The following CPHXL2 variants were observed in gnomAD, a reference collection of about 807,000 sequenced individuals.
CPHXL2 encodes the protein cytoplasmic polyadenylated homeobox like 2.
the CPHXL2 span, among the ~76,000 whole-genome samples, chr16:75,674,855 G>A: frequency 6.7e-4 from 102 of 151,738 alleles, no homozygotes; most frequent in African/African-American, 2.1e-3. Flanking sequence ...GAGTACTGGC[G>A]CACGCCACCA....
At chr16:75,676,680 A>C in the CPHXL2 span, among the ~76,000 whole-genome samples, 2 of 152,154 alleles carry the variant, frequency 1.3e-5, no homozygotes, top group African/African-American at 4.8e-5. Context: ...CTGATCTAGA[A>C]CCCATCCATT....
the CPHXL2 span, among the ~76,000 whole-genome samples, chr16:75,664,625 C>CAAAAAAAAAAA: frequency 8.8e-6 from 1 of 113,084 alleles, no homozygotes; most frequent in African/African-American, 3.6e-5. Flanking sequence ...AACTCCATCT[C>CAAAAAAAAAAA]AAAAAAAAAA....
the CPHXL2 span, chr16:75,660,241 G>C: frequency 2.5e-6 from 1 of 398,358 alleles, no homozygotes; most frequent in Non-Finnish European, 4.4e-6. Flanking sequence ...CTGTGGCTAT[G>C]GTTCTGTGAT....
At chr16:75,676,017 T>G in the CPHXL2 span, among the ~76,000 whole-genome samples, 2 of 151,784 alleles carry the variant, frequency 1.3e-5, no homozygotes, top group African/African-American at 4.8e-5. Context: ...AGATGGAGGT[T>G]GCAGTGAGCC....
chr16:75,675,027 A>G, the CPHXL2 span, among the ~76,000 whole-genome samples: 1 of 151,368 alleles, frequency 6.6e-6, no homozygotes, highest in Non-Finnish European at 1.5e-5. Flanking sequence ...CGTCTCTACT[A>G]AAAATACAAA....
the CPHXL2 span, among the ~76,000 whole-genome samples, chr16:75,672,920 G>C: frequency 2.6e-5 from 4 of 151,780 alleles, no homozygotes; most frequent in Non-Finnish European, 5.9e-5. Context: ...AAACAAAAAA[G>C]CAAAAAACAA....
At chr16:75,669,531 A>G in the CPHXL2 span, 1 of 398,948 alleles carries the variant, frequency 2.5e-6, no homozygotes, top group Non-Finnish European at 4.4e-6. Context: ...TTTCTTCATT[A>G]TGATGATCCT....
chr16:75,667,465 C>T, the CPHXL2 span, among the ~76,000 whole-genome samples: 1 of 152,010 alleles, frequency 6.6e-6, no homozygotes, highest in East Asian at 1.9e-4. Context: ...AATAAATCTG[C>T]ACTATTACAG....
the CPHXL2 span, among the ~76,000 whole-genome samples, chr16:75,674,372 CAAA>C: frequency 2.2e-4 from 12 of 53,388 alleles, no homozygotes; most frequent in African/African-American, 8.1e-4. Context: ...GACTCCGTCT[CAAA>C]AAAAAAAAAA....
the CPHXL2 span, among the ~76,000 whole-genome samples, chr16:75,665,080 A>G: frequency 6.6e-6 from 1 of 152,242 alleles, no homozygotes; most frequent in Non-Finnish European, 1.5e-5. Flanking sequence ...AGCGCTCATG[A>G]GAGTCTAACC....
the CPHXL2 span, chr16:75,669,226 GA>G: frequency 2.6e-6 from 1 of 391,738 alleles, no homozygotes; most frequent in African/African-American, 2.1e-5. Context: ...TGAGGTTGGG[GA>G]GTCACCTGAG....
At chr16:75,676,961 T>C in the CPHXL2 span, 24 of 398,398 alleles carry the variant, frequency 6.0e-5, no homozygotes, top group Admixed American at 7.5e-4. Context: ...ACAAAACACA[T>C]TGAGTTCTCT....
At chr16:75,671,993 CG>C in the CPHXL2 span, among the ~76,000 whole-genome samples, 1 of 151,906 alleles carries the variant, frequency 6.6e-6, no homozygotes. Flanking sequence ...ATTAATCTAA[CG>C]GGTGCGATGG....
At chr16:75,675,688 A>T in the CPHXL2 span, among the ~76,000 whole-genome samples, 2 of 152,160 alleles carry the variant, frequency 1.3e-5, no homozygotes, top group Non-Finnish European at 2.9e-5. Flanking sequence ...TGAACCTTTC[A>T]TCCCAAAGTT....
At chr16:75,673,935 G>A in the CPHXL2 span, among the ~76,000 whole-genome samples, 1 of 147,734 alleles carries the variant, frequency 6.8e-6, no homozygotes, top group African/African-American at 2.5e-5. Flanking sequence ...AGTTGAGATT[G>A]TGCCACTGCA....
chr16:75,675,641 C>A, the CPHXL2 span, among the ~76,000 whole-genome samples: 5 of 152,198 alleles, frequency 3.3e-5, no homozygotes, highest in African/African-American at 1.2e-4. Context: ...ACTCCCAGGT[C>A]CCTGAGATAG....
At chr16:75,674,217 C>A in the CPHXL2 span, among the ~76,000 whole-genome samples, 1 of 149,948 alleles carries the variant, frequency 6.7e-6, no homozygotes, top group African/African-American at 2.5e-5. Flanking sequence ...ACTAAAAATA[C>A]AAAAAATTAG....
At chr16:75,665,324 C>G in the CPHXL2 span, among the ~76,000 whole-genome samples, 1 of 152,194 alleles carries the variant, frequency 6.6e-6, no homozygotes, top group Non-Finnish European at 1.5e-5. Context: ...GATTGGGGCC[C>G]TATCTTTATC....
At chr16:75,669,690 A>G in the CPHXL2 span, 4 of 391,842 alleles carry the variant, frequency 1.0e-5, no homozygotes, top group Non-Finnish European at 1.8e-5. Flanking sequence ...GCTACTCACA[A>G]TAATAAAATT....
Sources: gnomAD v4.1 joint callset for allele counts (sites outside exome capture counted in the v4.1 genomes callset) on GRCh38, gnomAD v4.1.1 for gene constraint, MANE v1.5 for transcripts, NCBI Gene and HGNC (gene_info 2026-07-23, HGNC 2026-07-21) for gene names.